LRP1B: variants seen among roughly 807,000 people sequenced by gnomAD.
The protein encoded by LRP1B is low-density lipoprotein receptor-related protein 1B.
Under a neutral mutation model 556.6 loss-of-function variants are expected in LRP1B, and 217 were observed. The ratio of observed to expected loss-of-function variants is 0.39; its 90% confidence interval spans 0.35 to 0.44. The LOEUF (loss-of-function observed/expected upper bound fraction) is 0.44, where lower values mean the gene tolerates loss of function less well. LRP1B is among the 20% of genes least tolerant of loss of function. The pLI, the probability that LRP1B is intolerant of heterozygous loss-of-function variation, is 1.00. For missense variants in LRP1B, 5,053 were observed against 5,620.8 expected (o/e 0.90, Z 3.23); for synonymous variants, 2,047 against 1,865.8 (o/e 1.10, Z -2.50).
chr2:141,317,134 T>TGA (rs1174909779), intron 3 of LRP1B, among the ~76,000 whole-genome samples: 5 of 152,348 alleles, frequency 3.3e-5, no homozygotes, highest in African/African-American at 1.2e-4. Flanking sequence ...CACTAAGCAC[T>TGA]GAGACATTGT....
chr2:141,160,107 T>A (rs1030479659), intron 7 of LRP1B, among the ~76,000 whole-genome samples: 1 of 134,744 alleles, frequency 7.4e-6, no homozygotes, highest in Non-Finnish European at 1.7e-5. Context: ...CCATTTCTTA[T>A]TTTTTTTTAG....
intron 7 of LRP1B, among the ~76,000 whole-genome samples, chr2:141,092,921 G>C (rs1024301834): frequency 1.3e-5 from 2 of 152,126 alleles, no homozygotes; most frequent in South Asian, 2.1e-4. Flanking sequence ...AGTGGTTTAG[G>C]AGAGAACTGG....
In LRP1B at chr2:140,400,901, G is replaced by A. The variant is rs752601322; in HGVS notation, c.10415-14892C>T. Among the ~76,000 whole-genome samples the A allele has an allele frequency of 7.0e-4, 107 of 152,182 alleles. 1 individual carries two copies. Among genetic ancestry groups the A allele is most frequent in the Admixed American group, 2.6e-3 (40 of 15,274 alleles). On this transcript the variant is annotated intron_variant, in intron 66 of 90. Coordinates refer to ENST00000389484, the MANE Select transcript of LRP1B (RefSeq NM_018557.3). ...AGGGGAAGGCCTTAAACCTCCCAGAGCTGGAACTGATTTAGAGAGTGGTAA... is the reference window on the plus strand; with the variant it reads ...AGGGGAAGGCCTTAAACCTCCCAGAACTGGAACTGATTTAGAGAGTGGTAA...
intron 41 of LRP1B, among the ~76,000 whole-genome samples, chr2:140,634,412 T>G (rs4277464): frequency 0.044 from 6,673 of 152,122 alleles, 181 homozygotes; most frequent in Middle Eastern, 0.065. Context: ...ATGAGATAAA[T>G]TTCCCATGTA....
intron 15 of LRP1B, among the ~76,000 whole-genome samples, chr2:141,004,797 CAG>C (rs1697521865): frequency 6.6e-6 from 1 of 152,030 alleles, no homozygotes; most frequent in Non-Finnish European, 1.5e-5. Flanking sequence ...AAAGTCATAA[CAG>C]AATAATAAGA....
intron 2 of LRP1B, among the ~76,000 whole-genome samples, chr2:141,789,357 A>G (rs983033850): frequency 2.0e-5 from 3 of 152,010 alleles, no homozygotes; most frequent in African/African-American, 7.2e-5. Context: ...TTTAGCTATA[A>G]ATAAAAATAA....
chr2:141,547,881 T>A (rs1214296245), intron 2 of LRP1B, among the ~76,000 whole-genome samples: 1 of 151,070 alleles, frequency 6.6e-6, no homozygotes, highest in African/African-American at 2.5e-5. Context: ...ATAAATGGAA[T>A]GTTGTATCTT....
At chr2:141,103,535 T>TCTCTCTCTCTCTCTCTCTCTCTCTCTCTC (rs1553460368) in intron 7 of LRP1B, among the ~76,000 whole-genome samples, 3 of 151,998 alleles carry the variant, frequency 2.0e-5, no homozygotes, top group African/African-American at 7.2e-5. Context: ...TCTCTCTCTC[T>TCTCTCTCTCTCTCTCTCTCTCTCTCTCTC]TAAAAAGTTC....
At chr2:141,492,092 C>CCG (rs1307375252) in intron 2 of LRP1B, among the ~76,000 whole-genome samples, 2 of 5,652 alleles carry the variant, frequency 3.5e-4, no homozygotes, top group Admixed American at 5.5e-3. Context: ...AAAAAAAAAA[C>CCG]ACTAAGAAAA....
intron 83 of LRP1B, among the ~76,000 whole-genome samples, chr2:140,312,521 A>T (rs1246160966): frequency 6.6e-6 from 1 of 152,004 alleles, no homozygotes; most frequent in Non-Finnish European, 1.5e-5. Context: ...GTTAACAGCA[A>T]AAATGTCTTA....
At chr2:141,814,882 G>A (rs1696479376) in intron 1 of LRP1B, among the ~76,000 whole-genome samples, 2 of 152,106 alleles carry the variant, frequency 1.3e-5, no homozygotes, top group African/African-American at 4.8e-5. Flanking sequence ...TGGTCAAAAG[G>A]AAGAGGCAAA....
intron 2 of LRP1B, among the ~76,000 whole-genome samples, chr2:141,652,888 T>C (rs1689853059): frequency 6.6e-6 from 1 of 152,168 alleles, no homozygotes; most frequent in African/African-American, 2.4e-5. Context: ...TACTTGACAG[T>C]TGGCTTCCTG....
At chr2:141,986,251 G>A (rs769537042) in intron 1 of LRP1B, among the ~76,000 whole-genome samples, 6 of 151,838 alleles carry the variant, frequency 4.0e-5, no homozygotes, top group Non-Finnish European at 8.8e-5. Flanking sequence ...AGTTAAGATG[G>A]TAAATTTTAT....
chr2:140,238,130 C>A (rs2104881129), intron 89 of LRP1B, 22 bp downstream of exon 89: 2 of 1,568,668 alleles, frequency 1.3e-6, no homozygotes, highest in East Asian at 2.3e-5. Flanking sequence ...TGCTCACTGC[C>A]CATTATCTTA....
intron 6 of LRP1B, among the ~76,000 whole-genome samples, chr2:141,216,836 C>T (rs1263648913): frequency 2.0e-5 from 3 of 152,166 alleles, no homozygotes; most frequent in East Asian, 3.9e-4. Context: ...AATGTTTACT[C>T]ATCCTGATTC....
chr2:140,526,003 G>T lies in LRP1B; in HGVS notation c.7877-10C>A, dbSNP rs546068718. 5.0e-6 allele frequency: 8 copies of T among 1,608,376 alleles called. No individual in the cohort carries two copies. The African/African-American group carries it at 1.1e-4, about 22-fold the overall frequency. ...GTGCAGTCTGTGTTATCTAGAAGAA[G>T]GTAAACAAAAAATGAAAAAGTACCT... is the stretch of plus-strand genomic sequence containing the variant. On this transcript the variant is annotated splice_polypyrimidine_tract_variant and intron_variant, in intron 48 of 90. Coordinates refer to ENST00000389484, the MANE Select transcript of LRP1B (RefSeq NM_018557.3).
intron 84 of LRP1B, 149 bp from the exon 85 acceptor site, chr2:140,274,747 T>G: frequency 8.8e-5 from 50 of 571,286 alleles, no homozygotes; most frequent in Non-Finnish European, 1.3e-4. Flanking sequence ...TGAAGTAGAA[T>G]TCTTTAATAA....
At chr2:141,823,491 G>A (rs1426540459) in intron 1 of LRP1B, among the ~76,000 whole-genome samples, 1 of 152,128 alleles carries the variant, frequency 6.6e-6, no homozygotes, top group Non-Finnish European at 1.5e-5. Flanking sequence ...AGAGTCATCA[G>A]AGAAGCATCC....
intron 25 of LRP1B, among the ~76,000 whole-genome samples, chr2:140,872,360 A>ATTTTTTTTTTTTTTTTTTTTTTTTTTTTT (rs59469282): frequency 3.3e-5 from 2 of 60,496 alleles, no homozygotes; most frequent in Non-Finnish European, 6.0e-5. Context: ...GTGTCACCTG[A>ATTTTTTTTTTTTTTTTTTTTTTTTTTTTT]TTTTTTTTTT....
Sources: allele counts gnomAD v4.1 joint callset (sites outside exome capture counted in the v4.1 genomes callset), GRCh38; gene constraint gnomAD v4.1.1; transcripts MANE v1.5; gene names NCBI Gene and HGNC (gene_info 2026-07-23, HGNC 2026-07-21).